Variants in GIGYF2 observed in about 807,000 individuals in gnomAD.
The protein encoded by GIGYF2 is GRB10 interacting GYF protein 2, also known as GRB10-interacting GYF protein 2.
A neutral mutation model predicts 208.1 loss-of-function variants in GIGYF2; 25 were observed. The observed-to-expected ratio is 0.12, with a 90% CI of 0.09 to 0.17. GIGYF2 has a LOEUF of 0.17. GIGYF2 is among the 10% of genes least tolerant of loss of function. GIGYF2 has a pLI of 1.00. For synonymous variants in GIGYF2, 534 were observed against 543.8 expected (o/e 0.98, Z 0.25); for missense variants, 1,302 against 1,579.4 (o/e 0.82, Z 2.98).
At chr2:232,722,070 A>C (rs1696967613) in intron 2 of GIGYF2, among the ~76,000 whole-genome samples, 1 of 152,182 alleles carries the variant, frequency 6.6e-6, no homozygotes, top group African/African-American at 2.4e-5. Context: ...CCGTGCTGAC[A>C]AAACCCTAAC....
At chr2:232,748,755 C>G (rs537578394) in intron 4 of GIGYF2, among the ~76,000 whole-genome samples, 1 of 152,242 alleles carries the variant, frequency 6.6e-6, no homozygotes, top group African/African-American at 2.4e-5. Context: ...AGTGCTAAAT[C>G]CAAAAGTGGC....
chr2:232,842,983 G>A (rs573382459), intron 23 of GIGYF2: 9 of 152,290 alleles, frequency 5.9e-5, no homozygotes, highest in African/African-American at 2.2e-4. Flanking sequence ...AGCACCTCCA[G>A]TTCCTGAGCC....
At chr2:232,724,933 A>C (rs1401172389) in intron 2 of GIGYF2, among the ~76,000 whole-genome samples, 1 of 152,350 alleles carries the variant, frequency 6.6e-6, no homozygotes, top group Non-Finnish European at 1.5e-5. Flanking sequence ...TTAGAAACTT[A>C]ATAGGAAAAG....
intron 22 of GIGYF2, among the ~76,000 whole-genome samples, chr2:232,836,263 C>T (rs1341868486): frequency 4.1e-4 from 16 of 38,618 alleles, no homozygotes; most frequent in African/African-American, 1.1e-3. Flanking sequence ...CCCATCTCTA[C>T]ATATATATAT....
chr2:232,786,713 T>G (rs956360286), intron 8 of GIGYF2, among the ~76,000 whole-genome samples: 7 of 152,186 alleles, frequency 4.6e-5, no homozygotes, highest in African/African-American at 1.7e-4. Flanking sequence ...ACACTGTTAG[T>G]GAAAACAGCA....
At chr2:232,785,390 A>C (rs1471043459) in intron 8 of GIGYF2, among the ~76,000 whole-genome samples, 2 of 152,142 alleles carry the variant, frequency 1.3e-5, no homozygotes, top group East Asian at 3.9e-4. Context: ...CTCAAAGCTC[A>C]ACTGGGGTTT....
intron 2 of GIGYF2, among the ~76,000 whole-genome samples, chr2:232,718,821 T>C (rs969587740): frequency 6.6e-6 from 1 of 152,140 alleles, no homozygotes; most frequent in African/African-American, 2.4e-5. Flanking sequence ...TTTTCTGCTT[T>C]TGGAAAAACG....
In GIGYF2 at chr2:232,753,853, T is replaced by C. The variant is rs143507920; in HGVS notation, c.268-2370T>C. ...CCATAGGACATTGCAGTTTTTGTTA[T>C]CACATGATTCTGCCTAAGAAATAGA... On this transcript the variant is annotated intron_variant, in intron 5 of 28. Transcript: ENST00000373563. Among the ~76,000 whole-genome samples the C allele has an allele frequency of 2.1e-4, 32 of 152,174 alleles. No homozygotes were observed. In the East Asian group the frequency reaches 6.2e-3, roughly 29 times the overall value.
chr2:232,827,582 C>T (rs911992817), intron 21 of GIGYF2, among the ~76,000 whole-genome samples: 12 of 152,100 alleles, frequency 7.9e-5, no homozygotes, highest in African/African-American at 2.2e-4. Flanking sequence ...AGCAATAGTC[C>T]TCATTTTATT....
intron 8 of GIGYF2, among the ~76,000 whole-genome samples, chr2:232,781,906 T>C (rs1334108517): frequency 6.6e-6 from 1 of 152,234 alleles, no homozygotes; most frequent in East Asian, 1.9e-4. Flanking sequence ...GAAACCACCT[T>C]ACTGGTATCC....
chr2:232,801,595 G>A (rs1409907990), intron 14 of GIGYF2, among the ~76,000 whole-genome samples: 1 of 152,226 alleles, frequency 6.6e-6, no homozygotes, highest in Non-Finnish European at 1.5e-5. Flanking sequence ...GGATGGCTAA[G>A]TCAGGTTAAT....
intron 8 of GIGYF2, chr2:232,768,689 T>G: frequency 6.2e-7 from 1 of 1,607,896 alleles, no homozygotes; most frequent in Middle Eastern, 1.7e-4. Flanking sequence ...GAGGGCTAGG[T>G]CGGGTGTTGG....
chr2:232,848,906 A>G (rs1237552828), intron 27 of GIGYF2, among the ~76,000 whole-genome samples: 1 of 152,224 alleles, frequency 6.6e-6, no homozygotes, highest in East Asian at 1.9e-4. Context: ...TGAATTCACA[A>G]ATATGGAATC....
At chr2:232,702,513 T>C (rs1695901545) in intron 1 of GIGYF2, among the ~76,000 whole-genome samples, 1 of 152,092 alleles carries the variant, frequency 6.6e-6, no homozygotes, top group Non-Finnish European at 1.5e-5. Context: ...CAACTTTAAT[T>C]GTTAATTATT....
chr2:232,844,096 A>G lies in GIGYF2; in HGVS notation c.2940A>G (p.Gln980=), dbSNP rs3816334. 0.64 allele frequency: 1,025,355 copies of G among 1,601,720 alleles called. 332,040 individuals carry two copies. The highest frequency in any genetic ancestry group is 0.73 in the Admixed American group (43,625 of 59,366). Residue 980 remains glutamine, a synonymous_variant, in exon 24 of 29, where the codon CAA becomes CAG. Coordinates refer to ENST00000373563, the MANE Select transcript of GIGYF2 (RefSeq NM_001103146.3). ...TGAAAGCTCTTCAGCAGCAGCAGCA[A>G]CAGCAACAGCAGAAACTCTCAGGTT... ...ELMKALQQQQ[Q]QQQQKLSGWG...
chr2:232,788,327 T>C (rs1347823244), intron 9 of GIGYF2: 1 of 196,234 alleles, frequency 5.1e-6, no homozygotes, highest in Non-Finnish European at 1.1e-5. Flanking sequence ...AGGATGGTTT[T>C]ATACCAACTC....
chr2:232,736,180 T>A, intron 3 of GIGYF2: 1 of 980,580 alleles, frequency 1.0e-6, no homozygotes, highest in Non-Finnish European at 1.2e-6. Context: ...TTTGAAGTTC[T>A]AAGAACCGAT....
chr2:232,798,547 G>A (rs1228096455), intron 14 of GIGYF2, among the ~76,000 whole-genome samples: 1 of 152,262 alleles, frequency 6.6e-6, no homozygotes, highest in East Asian at 1.9e-4. Context: ...GAGCAATCCA[G>A]TTTCTCCACA....
intron 27 of GIGYF2, among the ~76,000 whole-genome samples, chr2:232,848,651 G>C (rs1222159908): frequency 6.7e-6 from 1 of 149,212 alleles, no homozygotes; most frequent in Non-Finnish European, 1.5e-5. Context: ...CAAACAAAAA[G>C]TGAAATCATT....
Sources: allele counts gnomAD v4.1 joint callset (sites outside exome capture counted in the v4.1 genomes callset), GRCh38; gene constraint gnomAD v4.1.1; transcripts MANE v1.5; gene names NCBI Gene and HGNC (gene_info 2026-07-23, HGNC 2026-07-21).